The following TNPO3 variants were observed in gnomAD, a reference collection of about 807,000 sequenced individuals.
The protein encoded by TNPO3 is transportin-3.
TNPO3 carries 65 observed loss-of-function variants against 122.8 expected under a neutral mutation model. The ratio of observed to expected loss-of-function variants is 0.53; its 90% CI spans 0.43 to 0.65. The LOEUF (loss-of-function observed/expected upper bound fraction) is 0.65, where lower values mean the gene tolerates loss of function less well. TNPO3 is among the 30% of genes least tolerant of loss of function. The pLI is 0.00. For missense variants in TNPO3, 850 were observed against 1,136.7 expected, an observed-to-expected ratio of 0.75 and a Z score of 3.63; for synonymous variants, 372 against 411.2, an observed-to-expected ratio of 0.90 and a Z score of 1.15.
At chr7:128,964,937 T>C (rs1480727335) in intron 21 of TNPO3, among the ~76,000 whole-genome samples, 1 of 151,892 alleles carries the variant, frequency 6.6e-6, no homozygotes, top group Non-Finnish European at 1.5e-5. Context: ...ATACAAAAAT[T>C]AACTCAAAAA....
chr7:128,991,598 T>C (rs1187610102), intron 10 of TNPO3, among the ~76,000 whole-genome samples: 1 of 152,156 alleles, frequency 6.6e-6, no homozygotes, highest in Non-Finnish European at 1.5e-5. Context: ...AACAATGTAA[T>C]TAATTTTGTA....
intron 1 of TNPO3, chr7:129,041,711 A>T (rs1807397489): frequency 1.0e-6 from 1 of 985,394 alleles, no homozygotes; most frequent in South Asian, 4.7e-5. Context: ...AGCACATTTC[A>T]AAGAGGCTGC....
rs558099769 is a variant in TNPO3 at position 128,973,814 on chromosome 7, A to G, written c.2273+1054T>C. 3.4e-4 allele frequency among the ~76,000 whole-genome samples: 51 copies of G among 149,420 alleles called. 4 individuals carry two copies. Among genetic ancestry groups the G allele is most frequent in the African/African-American group, 9.3e-4 (38 of 41,026 alleles). ...ACAATTCTATCAACTGAAAAAAAAA[A>G]AAAAAGAAAAGGAAAAAAAAAGGGT... On this transcript the variant is annotated intron_variant, in intron 18 of 22. Coordinates refer to ENST00000265388, the MANE Select transcript of TNPO3 (RefSeq NM_012470.4).
intron 1 of TNPO3, among the ~76,000 whole-genome samples, chr7:129,019,446 C>T (rs941762720): frequency 3.3e-5 from 5 of 152,042 alleles, no homozygotes; most frequent in Non-Finnish European, 4.4e-5. Flanking sequence ...AAGATTGATA[C>T]GAAGCAAGTT....
Position 129,055,090 on chromosome 7 carries a change from C to G in TNPO3, c.-320G>C, listed in dbSNP as rs950291838. On this transcript the variant is annotated 5_prime_UTR_variant, in exon 1 of 23. Coordinates refer to ENST00000265388, the MANE Select transcript of TNPO3 (RefSeq NM_012470.4). The stretch of plus-strand genomic sequence containing the variant: ...GAAGCCTATCTTGGGAGGCCACACA[C>G]CAGTGTACCTAAGGTTCGTTTACCC... The G allele has an allele frequency of 2.7e-5, 9 of 337,372 alleles. 1 individual carries two copies. The highest frequency in any genetic ancestry group is 2.4e-4 in the South Asian group (8 of 33,848). 20.9% of individuals were successfully genotyped at this position (337,372 alleles called of 1,614,324 possible).
In TNPO3 at chr7:129,005,007, A is replaced by T; in HGVS notation, c.696+9T>A. 6.2e-7 allele frequency: 1 copy of T among 1,610,906 alleles called. No individual in the cohort carries two copies. Among genetic ancestry groups the T allele is most frequent in the Non-Finnish European group, 8.5e-7 (1 of 1,178,540 alleles). On this transcript the variant is annotated intron_variant, in intron 5 of 22. Transcript: ENST00000265388. Reference sequence around the variant, plus strand: ...CAGAAATACTTTGATAAATAAGGTCATTACTTACCAAAACCTCAAAAAGGA... The same window carrying T: ...CAGAAATACTTTGATAAATAAGGTCTTTACTTACCAAAACCTCAAAAAGGA...
At chr7:128,987,871 G>A (rs575143894) in intron 11 of TNPO3, among the ~76,000 whole-genome samples, 17 of 152,102 alleles carry the variant, frequency 1.1e-4, no homozygotes, top group East Asian at 3.9e-4. Context: ...AAGCCACCAC[G>A]CCTGGGCAAA....
At chr7:129,040,177 C>G (rs1200956480) in intron 1 of TNPO3, among the ~76,000 whole-genome samples, 1 of 151,924 alleles carries the variant, frequency 6.6e-6, no homozygotes, top group African/African-American at 2.4e-5. Flanking sequence ...ATCACTTGAA[C>G]CCAGGAGGCA....
rs886043969 is a variant in TNPO3 at position 128,986,812 on chromosome 7, T to G, written c.1607A>C (p.Gln536Pro). 2 of 1,614,178 alleles carry G rather than the reference T, an allele frequency of 1.2e-6. No individual in the cohort carries two copies. Among genetic ancestry groups the G allele is most frequent in the Non-Finnish European group, 1.7e-6 (2 of 1,180,006 alleles). ...AATCTCCAGGAGTCCATTAAAGTGCTGAGCCATGTGATCTCGGCAGACAGA... is the reference window on the plus strand; with the variant it reads ...AATCTCCAGGAGTCCATTAAAGTGCGGAGCCATGTGATCTCGGCAGACAGA... ...ICSVCRDHMAQHFNGLLEIAR... is the reference protein window; with the variant it reads ...ICSVCRDHMAPHFNGLLEIAR... Residue 536 changes from glutamine to proline, a missense_variant, in exon 12 of 23, where the codon CAG (glutamine) becomes CCG (proline). Physicochemically the swap from Gln to Pro is moderately conservative, Grantham distance 76. Transcript: ENST00000265388.
chr7:128,984,308 T>C, intron 12 of TNPO3, 49 bp from the exon 13 acceptor site: 1 of 1,352,144 alleles, frequency 7.4e-7, no homozygotes, highest in Non-Finnish European at 1.1e-6. Flanking sequence ...TGAATTGAGG[T>C]AACTTAACTG....
At chr7:128,999,565 AAC>A (rs1420986160) in intron 7 of TNPO3, among the ~76,000 whole-genome samples, 1 of 152,090 alleles carries the variant, frequency 6.6e-6, no homozygotes, top group African/African-American at 2.4e-5. Flanking sequence ...AAGGATCCAA[AAC>A]AGAGCTATTT....
At chr7:128,962,355 G>A (rs981014910) in intron 21 of TNPO3, among the ~76,000 whole-genome samples, 5 of 130,684 alleles carry the variant, frequency 3.8e-5, no homozygotes, top group East Asian at 2.2e-4. Flanking sequence ...CTGGGCGACA[G>A]AGCGAGACTC....
chr7:129,041,265 G>A (rs956153956), intron 1 of TNPO3, among the ~76,000 whole-genome samples: 7 of 152,200 alleles, frequency 4.6e-5, no homozygotes, highest in African/African-American at 1.7e-4. Flanking sequence ...AGGAGGCTGA[G>A]GCAGGAGGAT....
chr7:128,975,694 G>A (rs1798980009), intron 17 of TNPO3, 125 bp downstream of exon 17: 1 of 663,354 alleles, frequency 1.5e-6, no homozygotes, highest in Admixed American at 2.6e-5. Flanking sequence ...CCTGTTATTA[G>A]GAAATCAACA....
rs944603658 is a variant in TNPO3, at chr7:128,970,477, T to C, written c.2431-162A>G. On this transcript the variant is annotated intron_variant, in intron 19 of 22. Coordinates refer to ENST00000265388, the MANE Select transcript of TNPO3 (RefSeq NM_012470.4). ...ATGCAGGTGTGTGTAAAATGACAGCTGGATTCACAAAGTCCAGAAGTTTTT... is the reference window on the plus strand; with the variant it reads ...ATGCAGGTGTGTGTAAAATGACAGCCGGATTCACAAAGTCCAGAAGTTTTT... 4.6e-5 allele frequency among the ~76,000 whole-genome samples: 7 copies of C among 152,130 alleles called. 1 individual carries two copies. Among genetic ancestry groups the C allele is most frequent in the Admixed American group, 2.6e-4 (4 of 15,262 alleles).
chr7:129,002,399 T>C (rs953097956), intron 5 of TNPO3, among the ~76,000 whole-genome samples: 1 of 152,104 alleles, frequency 6.6e-6, no homozygotes, highest in Non-Finnish European at 1.5e-5. Flanking sequence ...AAGGGAATCC[T>C]CCCGGGTTTC....
At position 128,990,079 on chromosome 7, in the gene TNPO3, C is replaced by G; in HGVS notation, c.1380G>C (p.Val460=). The G allele has an allele frequency of 6.2e-7, 1 of 1,614,192 alleles. No individual in the cohort carries two copies. ...SVDPENNPTL[V]EVLEGVVRLP... ...GGCGGACAACTCCTTCTAGGACTTC[C>G]ACAAGTGTTGGATTGTTTTCCCTGA... The change falls in exon 11 of 23, where the codon GTG becomes GTC. Residue 460 remains valine (V), a synonymous_variant. Transcript: ENST00000265388.
chr7:129,024,193 G>A (rs1405328919), intron 1 of TNPO3, among the ~76,000 whole-genome samples: 1 of 152,176 alleles, frequency 6.6e-6, no homozygotes, highest in Non-Finnish European at 1.5e-5. Flanking sequence ...GAAAGCCACT[G>A]CCTGTGAAAA....
At chr7:128,982,121 CTTAA>C in intron 14 of TNPO3, 123 bp downstream of exon 14, 1 of 702,246 alleles carries the variant, frequency 1.4e-6, no homozygotes, top group Non-Finnish European at 2.3e-6. Flanking sequence ...TAACAGCTGG[CTTAA>C]TTAGTCTCCA....
Sources: gnomAD v4.1 joint callset for allele counts (sites outside exome capture counted in the v4.1 genomes callset) on GRCh38, gnomAD v4.1.1 for gene constraint, MANE v1.5 for transcripts, NCBI Gene and HGNC (gene_info 2026-07-23, HGNC 2026-07-21) for gene names.